LPGAT1: variants seen among roughly 807,000 people sequenced by gnomAD.
The protein encoded by LPGAT1 is lysophosphatidylglycerol acyltransferase 1.
Under a neutral mutation model 47.5 loss-of-function variants are expected in LPGAT1, and 11 were observed. The observed-to-expected ratio is 0.23, with a 90% CI of 0.15 to 0.38. The LOEUF (loss-of-function observed/expected upper bound fraction) is 0.38. Among genes scored for constraint, LPGAT1 ranks in the 10% least tolerant of loss-of-function variants. LPGAT1 has a pLI of 1.00. For synonymous variants in LPGAT1, 138 were observed against 144.2 expected (o/e 0.96, Z 0.31); for missense variants, 293 against 439.0 (o/e 0.67, Z 2.97).
In LPGAT1 at chr1:211,743,946, A is replaced by T. The variant is rs1407850379; in HGVS notation, c.*5953T>A. ...CATCAATAAAACAATTGATGTTTTA[A>T]ATGCTAACATCTTAGAGATGCCTAT... On this transcript the variant is annotated 3_prime_UTR_variant, in exon 8 of 8. Transcript: ENST00000366997. The T allele has an allele frequency of 6.6e-6, 1 of 152,228 alleles. No individual in the cohort carries two copies. The highest frequency in any genetic ancestry group is 1.5e-5 in the Non-Finnish European group (1 of 68,032). The allele number at this position is 152,228 out of a possible 1,614,324, so 9.4% of individuals were successfully genotyped here. A position where few individuals can be genotyped will look rare whatever the true frequency, so the allele number is the denominator to read the frequency against.
chr1:211,798,757 A>C (rs1268501860), intron 2 of LPGAT1, among the ~76,000 whole-genome samples: 1 of 152,226 alleles, frequency 6.6e-6, no homozygotes, highest in Non-Finnish European at 1.5e-5. Flanking sequence ...AGTGAATTTC[A>C]CATAGCTGGA....
chr1:211,789,339 T>C (rs1659012712), intron 3 of LPGAT1, among the ~76,000 whole-genome samples: 2 of 152,358 alleles, frequency 1.3e-5, no homozygotes. Context: ...CTTTTATATT[T>C]AACCTTTCAT....
At chr1:211,818,951 A>C (rs923095415) in intron 2 of LPGAT1, among the ~76,000 whole-genome samples, 1 of 152,352 alleles carries the variant, frequency 6.6e-6, no homozygotes, top group Non-Finnish European at 1.5e-5. Flanking sequence ...TTTTCAACAG[A>C]CCTCAAAGAA....
At chr1:211,807,215 T>C (rs1188855030) in intron 2 of LPGAT1, among the ~76,000 whole-genome samples, 2 of 151,976 alleles carry the variant, frequency 1.3e-5, no homozygotes, top group South Asian at 4.1e-4. Flanking sequence ...TTAAAACACA[T>C]GAACAAGATC....
intron 6 of LPGAT1, among the ~76,000 whole-genome samples, chr1:211,774,270 C>A (rs1415322500): frequency 6.7e-6 from 1 of 150,192 alleles, no homozygotes; most frequent in Non-Finnish European, 1.5e-5. Flanking sequence ...GAGTAGTACA[C>A]CACACCTAGC....
At chr1:211,773,255 C>T (rs748609678) in intron 6 of LPGAT1, among the ~76,000 whole-genome samples, 1 of 152,124 alleles carries the variant, frequency 6.6e-6, no homozygotes. Context: ...CAAATCTGAT[C>T]GGCTTGAAAT....
chr1:211,815,698 C>T (rs1303132269), intron 2 of LPGAT1, among the ~76,000 whole-genome samples: 1 of 151,836 alleles, frequency 6.6e-6, no homozygotes, highest in Non-Finnish European at 1.5e-5. Flanking sequence ...AACCACTAAA[C>T]TCCTCTCCCC....
At chr1:211,828,577 A>C (rs987217343) in intron 2 of LPGAT1, among the ~76,000 whole-genome samples, 3 of 152,250 alleles carry the variant, frequency 2.0e-5, no homozygotes, top group African/African-American at 7.2e-5. Context: ...ACGTAAGAGA[A>C]AAGAAAGCCA....
chr1:211,794,184 C>T (rs945353544), intron 2 of LPGAT1, among the ~76,000 whole-genome samples: 1 of 152,198 alleles, frequency 6.6e-6, no homozygotes, highest in Non-Finnish European at 1.5e-5. Context: ...AAAACTAATA[C>T]AAATGCCAAA....
rs1442101712 is a variant in LPGAT1 at position 211,748,830 on chromosome 1, G to A, written c.*1069C>T. The A allele has an allele frequency of 2.0e-5, 3 of 152,604 alleles. No individual in the cohort carries two copies. The highest frequency in any genetic ancestry group is 4.8e-5 in the African/African-American group (2 of 41,436). 9.5% of individuals were successfully genotyped at this position (152,604 alleles called of 1,614,324 possible). ...TACTGTCTGCACAGGTCCTAGGGGTGCCACATGAGAACCTGTCACCATTAT... is the reference window on the plus strand; with the variant it reads ...TACTGTCTGCACAGGTCCTAGGGGTACCACATGAGAACCTGTCACCATTAT... On this transcript the variant is annotated 3_prime_UTR_variant, in exon 8 of 8. Coordinates refer to ENST00000366997, the MANE Select transcript of LPGAT1 (RefSeq NM_014873.3).
chr1:211,784,979 G>GTA (rs1553309791), intron 4 of LPGAT1, among the ~76,000 whole-genome samples: 4 of 151,638 alleles, frequency 2.6e-5, no homozygotes, highest in Middle Eastern at 3.4e-3. Context: ...AATTTTTTTT[G>GTA]TTTTTAGTAG....
chr1:211,749,631 C>T lies in LPGAT1; in HGVS notation c.*268G>A. On this transcript the variant is annotated 3_prime_UTR_variant, in exon 8 of 8. Transcript: ENST00000366997. ...TCTTCTAGGATGATTTTATGATTTC[C>T]TCTTCTCCAAATGTGATGTTTGCTT... 2.7e-6 allele frequency: 1 copy of T among 364,924 alleles called. No individual in the cohort carries two copies. The highest frequency in any genetic ancestry group is 5.0e-6 in the Non-Finnish European group (1 of 201,024). 22.6% of individuals were successfully genotyped at this position (364,924 alleles called of 1,614,324 possible).
At chr1:211,788,103 A>G (rs1658960193) in intron 3 of LPGAT1, among the ~76,000 whole-genome samples, 1 of 152,250 alleles carries the variant, frequency 6.6e-6, no homozygotes, top group Admixed American at 6.5e-5. Context: ...TTATCAAACA[A>G]GACTATATAT....
intron 4 of LPGAT1, among the ~76,000 whole-genome samples, chr1:211,785,669 C>T (rs550044959): frequency 6.6e-6 from 1 of 150,784 alleles, no homozygotes; most frequent in South Asian, 2.1e-4. Flanking sequence ...TGCAGTGACG[C>T]AATCTCGGCC....
intron 6 of LPGAT1, among the ~76,000 whole-genome samples, chr1:211,778,042 C>G (rs1658477052): frequency 6.6e-6 from 1 of 152,138 alleles, no homozygotes; most frequent in Non-Finnish European, 1.5e-5. Flanking sequence ...CCTATATAGT[C>G]TAAAAAGGAA....
chr1:211,788,870 T>C (rs563137874), intron 3 of LPGAT1, among the ~76,000 whole-genome samples: 1 of 152,146 alleles, frequency 6.6e-6, no homozygotes, highest in African/African-American at 2.4e-5. Context: ...ACATCATCTC[T>C]AAGAACCAAC....
At chr1:211,794,205 T>G (rs1394640153) in intron 2 of LPGAT1, among the ~76,000 whole-genome samples, 1 of 152,236 alleles carries the variant, frequency 6.6e-6, no homozygotes, top group African/African-American at 2.4e-5. Flanking sequence ...TTATTTGAAG[T>G]TATCAGATGA....
rs1173441853 is a variant in LPGAT1, at chr1:211,826,655, A to C, written c.238+2404T>G. ...CACTCATATTACACGGAATGTCATA[A>C]TTTGGAAAAAGATATATATATATAT... On this transcript the variant is annotated intron_variant, in intron 2 of 7. Transcript: ENST00000366997. 2.9e-5 allele frequency among the ~76,000 whole-genome samples: 3 copies of C among 105,248 alleles called. No individual in the cohort carries two copies. The Admixed American group carries it at 3.2e-4, about 11-fold the overall frequency. The allele number at this position is 105,248 out of a possible 152,430, so 69.0% of individuals were successfully genotyped here. A position where few individuals can be genotyped will look rare whatever the true frequency, so the allele number is the denominator to read the frequency against.
At chr1:211,777,209 GGC>G (rs1432214940) in intron 6 of LPGAT1, among the ~76,000 whole-genome samples, 1 of 152,054 alleles carries the variant, frequency 6.6e-6, no homozygotes, top group Admixed American at 6.6e-5. Flanking sequence ...CTAAAGACAT[GGC>G]CCAAATCCCC....
Sources: allele counts gnomAD v4.1 joint callset (sites outside exome capture counted in the v4.1 genomes callset), GRCh38; gene constraint gnomAD v4.1.1; transcripts MANE v1.5; gene names NCBI Gene and HGNC (gene_info 2026-07-23, HGNC 2026-07-21).